ANKRD42: variants seen among roughly 807,000 people sequenced by gnomAD.
The protein encoded by ANKRD42 is ankyrin repeat domain-containing protein 42.
Under a neutral mutation model 51.5 loss-of-function variants are expected in ANKRD42, and 43 were observed. The observed-to-expected ratio is 0.83, with a 90% CI of 0.65 to 1.08. The LOEUF is 1.08. Among genes scored for constraint, ANKRD42 ranks in the 50% least tolerant of loss-of-function variants. The probability of loss-of-function intolerance (pLI) is 0.00; values close to 1 mark genes in which losing one functional copy is unlikely to be tolerated. For missense variants in ANKRD42, 608 were observed against 629.3 expected (o/e 0.97, Z 0.36); for synonymous variants, 203 against 213.0 (o/e 0.95, Z 0.41).
At chr11:83,204,012 G>A (rs1165078790) in intron 2 of ANKRD42, among the ~76,000 whole-genome samples, 2 of 151,826 alleles carry the variant, frequency 1.3e-5, no homozygotes, top group Non-Finnish European at 1.5e-5. Context: ...GCATGATCTC[G>A]GCTCACTGCA....
chr11:83,219,413 A>C (rs1426242914), intron 5 of ANKRD42, among the ~76,000 whole-genome samples: 1 of 152,176 alleles, frequency 6.6e-6, no homozygotes, highest in Admixed American at 6.5e-5. Context: ...CTAAGGACCA[A>C]TTTATGTGGT....
intron 9 of ANKRD42, among the ~76,000 whole-genome samples, chr11:83,245,285 G>A (rs1412519233): frequency 6.6e-6 from 1 of 152,228 alleles, no homozygotes; most frequent in Non-Finnish European, 1.5e-5. Context: ...AGCAGGGAAA[G>A]AATCCTCCAT....
At chr11:83,240,711 G>A in intron 8 of ANKRD42, 48 bp from the exon 9 acceptor site, 2 of 1,603,774 alleles carry the variant, frequency 1.2e-6, no homozygotes, top group Non-Finnish European at 1.7e-6. Context: ...TGCAGTTTCA[G>A]TTTGAAGAAG....
At chr11:83,249,118 C>A, downstream of ANKRD42, 1 of 490,674 alleles carries the variant, frequency 2.0e-6, no homozygotes, top group Non-Finnish European at 2.6e-6. Flanking sequence ...TGCTTCCAAT[C>A]AAATCTGTTA....
Position 83,248,335 on chromosome 11 carries a change from A to T in ANKRD42, c.*131A>T, listed in dbSNP as rs375430126. The T allele has an allele frequency of 1.5e-4, 181 of 1,243,142 alleles. 1 individual carries two copies. Among genetic ancestry groups the T allele is most frequent in the Non-Finnish European group, 1.7e-4 (166 of 987,908 alleles). 77.0% of individuals were successfully genotyped at this position (1,243,142 alleles called of 1,614,324 possible). A position where few individuals can be genotyped will look rare whatever the true frequency, so the allele number is the denominator to read the frequency against. Reference sequence around the variant, plus strand: ...CACACACACACACACACACACACACACTCTATATGTAACTATAACTTTCTA... The same window carrying T: ...CACACACACACACACACACACACACTCTCTATATGTAACTATAACTTTCTA... On this transcript the variant is annotated 3_prime_UTR_variant, in exon 11 of 11. Transcript: ENST00000533342.
Position 83,248,196 on chromosome 11 carries a change from C to G in ANKRD42, c.1576C>G (p.Leu526Val), listed in dbSNP as rs71465535. The change falls in exon 11 of 11, where the codon CTT (leucine) becomes GTT (valine). Residue 526 changes from leucine to valine, a missense_variant. By Grantham distance (32) the Leu-to-Val change is conservative. Transcript: ENST00000533342. ...TTTGGACTTGAATCCTGGCTATAGT[C>G]TTTTTTGATTTGGGCTACTCATTTA... ...GSLDLNPGYS[L>V]F 6,336 of 1,501,272 alleles carry G rather than the reference C, an allele frequency of 4.2e-3. 25 individuals carry two copies. Among genetic ancestry groups the G allele is most frequent in the Middle Eastern group, 7.6e-3 (44 of 5,802 alleles). 93.0% of individuals were successfully genotyped at this position (1,501,272 alleles called of 1,614,324 possible).
intron 5 of ANKRD42, 63 bp from the exon 6 acceptor site, chr11:83,224,792 T>A: frequency 7.7e-7 from 1 of 1,300,670 alleles, no homozygotes; most frequent in Non-Finnish European, 1.0e-6. Flanking sequence ...TCTAAATACA[T>A]ACATACATAC....
chr11:83,248,652 T>C lies in ANKRD42; in HGVS notation c.*448T>C. ...TCTGATCTATTAATATTATAGAATC[T>C]TCCTGGCTTCTTTTTATTTTGCACA... On this transcript the variant is annotated 3_prime_UTR_variant, in exon 11 of 11. Transcript: ENST00000533342. 7.1e-6 allele frequency: 7 copies of C among 985,138 alleles called. No individual in the cohort carries two copies. The highest frequency in any genetic ancestry group is 8.4e-6 in the Non-Finnish European group (7 of 829,606). 61.0% of individuals were successfully genotyped at this position (985,138 alleles called of 1,614,324 possible).
At chr11:83,231,133 A>G (rs1194853190) in intron 7 of ANKRD42, among the ~76,000 whole-genome samples, 18 of 152,226 alleles carry the variant, frequency 1.2e-4, no homozygotes, top group Admixed American at 1.2e-3. Flanking sequence ...AGGAACCTCC[A>G]AACTGTTCTT....
Position 83,210,406 on chromosome 11 carries a change from T to G in ANKRD42, c.437T>G (p.Leu146Arg), listed in dbSNP as rs1477172219. ...HGHSFTLQIM[L>R]RSGVDPSVTD... Reference sequence around the variant, plus strand: ...CATTCTTTCACTTTACAAATAATGCTCCGAAGTGGAGTGGTGAGTGACTCC... The same window carrying G: ...CATTCTTTCACTTTACAAATAATGCGCCGAAGTGGAGTGGTGAGTGACTCC... Residue 146 changes from leucine (L) to arginine (R), a missense_variant, in exon 4 of 11, where the codon CTC (leucine) becomes CGC (arginine). Transcript: ENST00000533342. The G allele has an allele frequency of 3.1e-6, 5 of 1,613,832 alleles. No homozygotes were observed. Among genetic ancestry groups the G allele is most frequent in the Non-Finnish European group, 4.2e-6 (5 of 1,179,876 alleles).
intron 7 of ANKRD42, among the ~76,000 whole-genome samples, chr11:83,232,515 A>C (rs1164062600): frequency 6.6e-6 from 1 of 152,152 alleles, no homozygotes; most frequent in African/African-American, 2.4e-5. Context: ...GGTTTTTCCA[A>C]ATATAAGATT....
intron 7 of ANKRD42, among the ~76,000 whole-genome samples, chr11:83,231,666 T>C (rs2135538255): frequency 6.6e-6 from 1 of 152,236 alleles, no homozygotes; most frequent in East Asian, 1.9e-4. Flanking sequence ...TGTTTTCTTT[T>C]AGTAGTTTCA....
rs1255576198 is a variant in ANKRD42 at position 83,198,886 on chromosome 11, A to C, written c.222+244A>C. On this transcript the variant is annotated intron_variant, in intron 2 of 10. Coordinates refer to ENST00000533342, the MANE Select transcript of ANKRD42 (RefSeq NM_001300975.2). Reference sequence around the variant, plus strand: ...AAACCCAAGAATTTGGATCCCGGAGACAGCTTGTCTCTGCTCCATGATATC... The same window carrying C: ...AAACCCAAGAATTTGGATCCCGGAGCCAGCTTGTCTCTGCTCCATGATATC... 3.3e-5 allele frequency among the ~76,000 whole-genome samples: 5 copies of C among 152,182 alleles called. No individual in the cohort carries two copies. The East Asian group carries it at 7.7e-4, about 23-fold the overall frequency.
downstream of ANKRD42, among the ~76,000 whole-genome samples, chr11:83,253,496 C>G (rs944759580): frequency 6.6e-6 from 1 of 152,122 alleles, no homozygotes; most frequent in Non-Finnish European, 1.5e-5. Context: ...GAATTTTAAT[C>G]TGTTCGACAA....
chr11:83,247,902 G>A (rs1478113000), intron 10 of ANKRD42, 41 bp from the exon 11 acceptor site: 5 of 1,503,918 alleles, frequency 3.3e-6, no homozygotes, highest in Middle Eastern at 1.8e-4. Context: ...ATTATTAGTT[G>A]ACATTGATGA....
At chr11:83,255,830 T>G in intron 11 of ANKRD42, 1 of 1,514,352 alleles carries the variant, frequency 6.6e-7, no homozygotes, top group Non-Finnish European at 8.8e-7. Flanking sequence ...TGACCCTCTT[T>G]TCCTTTGCTT....
chr11:83,242,133 A>T (rs1863404131), intron 9 of ANKRD42, among the ~76,000 whole-genome samples: 1 of 152,096 alleles, frequency 6.6e-6, no homozygotes, highest in Admixed American at 6.5e-5. Context: ...ATTTAAGAAG[A>T]GCTTACATTA....
At chr11:83,199,322 T>C (rs34664458) in intron 2 of ANKRD42, among the ~76,000 whole-genome samples, 1 of 152,210 alleles carries the variant, frequency 6.6e-6, no homozygotes, top group African/African-American at 2.4e-5. Flanking sequence ...TTTTATGCTG[T>C]TATTACATAT....
downstream of ANKRD42, among the ~76,000 whole-genome samples, chr11:83,263,549 C>T (rs1028284637): frequency 7.2e-5 from 11 of 152,154 alleles, no homozygotes; most frequent in African/African-American, 2.4e-4. Flanking sequence ...TTATCTGCCA[C>T]GAACAAAATC....
Sources: gnomAD v4.1 joint callset for allele counts (sites outside exome capture counted in the v4.1 genomes callset) on GRCh38, gnomAD v4.1.1 for gene constraint, MANE v1.5 for transcripts, NCBI Gene and HGNC (gene_info 2026-07-23, HGNC 2026-07-21) for gene names.